The following BORCS5 variants were observed in gnomAD, a reference collection of about 807,000 sequenced individuals.
BORCS5 encodes the protein BLOC-1 related complex subunit 5.
Under a neutral mutation model 22.1 loss-of-function variants are expected in BORCS5, and 17 were observed. The observed-to-expected ratio is 0.77, with a 90% CI of 0.53 to 1.15. The LOEUF (loss-of-function observed/expected upper bound fraction) is 1.15. BORCS5 is among the 50% of genes most tolerant of loss of function. The probability of loss-of-function intolerance (pLI) is 0.00; values close to 1 mark genes in which losing one functional copy is unlikely to be tolerated. For missense variants in BORCS5, 247 were observed against 253.2 expected (o/e 0.98, Z 0.17); for synonymous variants, 117 against 99.8 (o/e 1.17, Z -1.03).
chr12:12,410,560 G>A (rs1470901596), intron 2 of BORCS5, among the ~76,000 whole-genome samples: 3 of 151,934 alleles, frequency 2.0e-5, no homozygotes, highest in Non-Finnish European at 4.4e-5. Context: ...TATTTCTGAG[G>A]GCTCTGTTCT....
chr12:12,431,617 GTCTTGATC>G (rs1942428492), intron 2 of BORCS5, among the ~76,000 whole-genome samples: 1 of 152,002 alleles, frequency 6.6e-6, no homozygotes, highest in African/African-American at 2.4e-5. Context: ...GGCCAGGATG[GTCTTGATC>G]TCTTGACCTC....
At chr12:12,435,021 A>G (rs1404096622) in intron 2 of BORCS5, among the ~76,000 whole-genome samples, 1 of 152,212 alleles carries the variant, frequency 6.6e-6, no homozygotes, top group Non-Finnish European at 1.5e-5. Context: ...CTATGCAAAT[A>G]CAGGGGAGAT....
rs1002341570 is a variant in BORCS5 at position 12,466,112 on chromosome 12, C to A, written c.*336C>A. 3.5e-5 allele frequency: 7 copies of A among 202,236 alleles called. No homozygotes were observed. Among genetic ancestry groups the A allele is most frequent in the Non-Finnish European group, 6.9e-5 (7 of 101,744 alleles). The allele number at this position is 202,236 out of a possible 1,614,324, so 12.5% of individuals were successfully genotyped here. On this transcript the variant is annotated 3_prime_UTR_variant, in exon 4 of 4. Coordinates refer to ENST00000314565, the MANE Select transcript of BORCS5 (RefSeq NM_058169.6). ...GAGAGTATATAGTCCAGTCCAGGTA[C>A]CGGAATAAAAATATGGAGACAAGGG... is the stretch of plus-strand genomic sequence containing the variant.
At chr12:12,357,982 T>C (rs937569860) in intron 1 of BORCS5, among the ~76,000 whole-genome samples, 1 of 152,234 alleles carries the variant, frequency 6.6e-6, no homozygotes, top group Non-Finnish European at 1.5e-5. Context: ...CAGCTTTTTC[T>C]TCTCAGAAGG....
intron 2 of BORCS5, among the ~76,000 whole-genome samples, chr12:12,408,502 A>G (rs938738889): frequency 6.6e-6 from 1 of 152,186 alleles, no homozygotes; most frequent in African/African-American, 2.4e-5. Flanking sequence ...CATTTCCTGA[A>G]TGTTTTTCAT....
At chr12:12,404,542 C>G (rs1415504023) in intron 2 of BORCS5, among the ~76,000 whole-genome samples, 1 of 152,116 alleles carries the variant, frequency 6.6e-6, no homozygotes, top group Non-Finnish European at 1.5e-5. Flanking sequence ...CTTAAAAGCC[C>G]CACCTCCTAT....
intron 2 of BORCS5, among the ~76,000 whole-genome samples, chr12:12,387,207 ATTG>A (rs1863902127): frequency 6.6e-6 from 1 of 151,012 alleles, no homozygotes; most frequent in South Asian, 2.1e-4. Flanking sequence ...TGTTCCTTTT[ATTG>A]TTTCCTTCTT....
chr12:12,414,201 C>T (rs1390463916), intron 2 of BORCS5, among the ~76,000 whole-genome samples: 20 of 92,832 alleles, frequency 2.2e-4, no homozygotes, highest in Non-Finnish European at 3.0e-4. Flanking sequence ...GCTGGCCAGG[C>T]GGGGGGCTGA....
chr12:12,419,541 A>C (rs373892487), intron 2 of BORCS5, among the ~76,000 whole-genome samples: 1 of 152,186 alleles, frequency 6.6e-6, no homozygotes, highest in Non-Finnish European at 1.5e-5. Context: ...ATGATTTATA[A>C]TCCTTTGGGT....
chr12:12,420,600 A>G (rs1942091085), intron 2 of BORCS5, among the ~76,000 whole-genome samples: 1 of 152,226 alleles, frequency 6.6e-6, no homozygotes, highest in Non-Finnish European at 1.5e-5. Flanking sequence ...TGGTAGCTTA[A>G]TGGGGATGGC....
intron 2 of BORCS5, among the ~76,000 whole-genome samples, chr12:12,398,424 C>A (rs1941398785): frequency 6.6e-6 from 1 of 152,118 alleles, no homozygotes; most frequent in Non-Finnish European, 1.5e-5. Flanking sequence ...AATATGTAAT[C>A]AAAGCCATGT....
intron 2 of BORCS5, among the ~76,000 whole-genome samples, chr12:12,399,229 A>G (rs971617879): frequency 2.6e-5 from 4 of 152,124 alleles, no homozygotes; most frequent in African/African-American, 9.7e-5. Flanking sequence ...TATCACTCCT[A>G]TTCACTCCTC....
At chr12:12,386,663 C>T (rs1234367103) in intron 2 of BORCS5, among the ~76,000 whole-genome samples, 2 of 147,698 alleles carry the variant, frequency 1.4e-5, no homozygotes, top group Non-Finnish European at 3.0e-5. Flanking sequence ...AGAGACAGGG[C>T]TCCACTATGT....
chr12:12,465,575 C>T lies in BORCS5; in HGVS notation c.390C>T (p.Ser130=), dbSNP rs144041463. The part of the protein sequence containing the change: ...EMDLSVETLF[S]FMQERQKRYA... Reference sequence around the variant, plus strand: ...ATCTGTCTGTAGAAACTCTGTTCAGCTTCATGCAGGAGCGCCAGAAAAGAT... The same window carrying T: ...ATCTGTCTGTAGAAACTCTGTTCAGTTTCATGCAGGAGCGCCAGAAAAGAT... The change falls in exon 4 of 4, where the codon AGC becomes AGT. Residue 130 remains serine (S), a synonymous_variant. Coordinates refer to ENST00000314565, the MANE Select transcript of BORCS5 (RefSeq NM_058169.6). 48 of 1,614,114 alleles carry T rather than the reference C, an allele frequency of 3.0e-5. No individual in the cohort carries two copies. The African/African-American group carries it at 6.1e-4, about 21-fold the overall frequency.
chr12:12,394,461 T>C (rs1941281665), intron 2 of BORCS5, among the ~76,000 whole-genome samples: 1 of 152,040 alleles, frequency 6.6e-6, no homozygotes, highest in Non-Finnish European at 1.5e-5. Flanking sequence ...TGGTTTTCCC[T>C]GTTTCTTGGC....
At chr12:12,423,526 A>G (rs1942196966) in intron 2 of BORCS5, among the ~76,000 whole-genome samples, 1 of 136,510 alleles carries the variant, frequency 7.3e-6, no homozygotes, top group African/African-American at 3.1e-5. Context: ...TGGATATAAA[A>G]TTCTTGGTTG....
At chr12:12,398,507 C>G (rs1174426024) in intron 2 of BORCS5, among the ~76,000 whole-genome samples, 1 of 152,152 alleles carries the variant, frequency 6.6e-6, no homozygotes, top group Non-Finnish European at 1.5e-5. Flanking sequence ...TGTCCTCCCC[C>G]ACACCCTCAG....
At chr12:12,361,405 A>G in intron 2 of BORCS5, 56 bp downstream of exon 2, 1 of 1,583,462 alleles carries the variant, frequency 6.3e-7, no homozygotes, top group South Asian at 1.1e-5. Context: ...GTGTAGCCCT[A>G]CTACTTTCCC....
chr12:12,404,243 A>C (rs1941544407), intron 2 of BORCS5, among the ~76,000 whole-genome samples: 1 of 152,202 alleles, frequency 6.6e-6, no homozygotes, highest in African/African-American at 2.4e-5. Context: ...TGGAAATTAG[A>C]GATCTTTAGC....
Sources: allele counts gnomAD v4.1 joint callset (sites outside exome capture counted in the v4.1 genomes callset), GRCh38; gene constraint gnomAD v4.1.1; transcripts MANE v1.5; gene names NCBI Gene and HGNC (gene_info 2026-07-23, HGNC 2026-07-21).